The following LARP1B variants were observed in gnomAD, a reference collection of about 807,000 sequenced individuals.
The protein encoded by LARP1B is la-related protein 1B.
In LARP1B, 76 loss-of-function variants were observed where a neutral mutation model predicts 114.2. The observed-to-expected ratio is 0.67, with a 90% CI of 0.55 to 0.81. The LOEUF is 0.81. Ranked by LOEUF, LARP1B falls within the 30% of genes least tolerant of loss-of-function variation. The probability of loss-of-function intolerance (pLI) is 0.00; values close to 1 mark genes in which losing one functional copy is unlikely to be tolerated. For synonymous variants in LARP1B, 345 were observed against 348.0 expected, an observed-to-expected ratio of 0.99 and a Z score of 0.10; for missense variants, 1,014 against 1,075.8, an observed-to-expected ratio of 0.94 and a Z score of 0.80.
At chr4:128,190,104 G>T (rs1751733339) in intron 15 of LARP1B, among the ~76,000 whole-genome samples, 1 of 152,198 alleles carries the variant, frequency 6.6e-6, no homozygotes, top group South Asian at 2.1e-4. Flanking sequence ...TTTCTGAAAA[G>T]ATGGGTCTAG....
At chr4:128,177,067 A>T (rs1190751365) in intron 13 of LARP1B, among the ~76,000 whole-genome samples, 160 bp downstream of exon 13, 1 of 152,232 alleles carries the variant, frequency 6.6e-6, no homozygotes, top group Non-Finnish European at 1.5e-5. Flanking sequence ...GTCACCAAGA[A>T]CAAAGTGGAA....
chr4:128,109,235 A>G (rs1783144964), intron 9 of LARP1B, among the ~76,000 whole-genome samples: 1 of 152,204 alleles, frequency 6.6e-6, no homozygotes, highest in South Asian at 2.1e-4. Flanking sequence ...GGAAATAGAG[A>G]TAAGAAGCAT....
chr4:128,214,392 T>G (rs1027930088), downstream of LARP1B, among the ~76,000 whole-genome samples: 1 of 146,550 alleles, frequency 6.8e-6, no homozygotes, highest in Non-Finnish European at 1.5e-5. Context: ...TCTGCAGACT[T>G]AAGTGTCCCT....
chr4:128,212,917 T>A (rs1759187005), downstream of LARP1B, among the ~76,000 whole-genome samples: 3 of 142,562 alleles, frequency 2.1e-5, no homozygotes, highest in African/African-American at 7.8e-5. Flanking sequence ...TCTCTCTTTT[T>A]TTTTTTTTTT....
chr4:128,077,236 T>C (rs1768287212), intron 3 of LARP1B, among the ~76,000 whole-genome samples: 1 of 152,062 alleles, frequency 6.6e-6, no homozygotes, highest in African/African-American at 2.4e-5. Context: ...CAATGGGTCA[T>C]GCGTGTATCG....
Position 128,084,225 on chromosome 4 carries a change from G to C in LARP1B, c.358+1920G>C, listed in dbSNP as rs1156383799. Among the ~76,000 whole-genome samples, 5 of 152,144 alleles carry C rather than the reference G, an allele frequency of 3.3e-5. No individual in the cohort carries two copies. In the East Asian group the frequency reaches 7.7e-4, roughly 23 times the overall value. On this transcript the variant is annotated intron_variant, in intron 5 of 19. Coordinates refer to ENST00000326639, the MANE Select transcript of LARP1B (RefSeq NM_018078.4). ...CTCCTCACTTCCCAGACGGGGTGGC[G>C]GCCGGGCAGAGGCTGCAATCTCGGC...
chr4:128,126,726 G>T (rs1789746405), intron 11 of LARP1B, among the ~76,000 whole-genome samples: 1 of 151,636 alleles, frequency 6.6e-6, no homozygotes, highest in African/African-American at 2.4e-5. Flanking sequence ...ATTTTCTACA[G>T]TCTTTGCTAT....
At chr4:128,083,795 G>C in intron 5 of LARP1B, among the ~76,000 whole-genome samples, 1 of 150,964 alleles carries the variant, frequency 6.6e-6, no homozygotes, top group East Asian at 2.0e-4. Context: ...TGGCCGGGCG[G>C]GGGGCTGACC....
At chr4:128,173,088 A>G (rs2150575350) in intron 12 of LARP1B, among the ~76,000 whole-genome samples, 1 of 151,934 alleles carries the variant, frequency 6.6e-6, no homozygotes, top group East Asian at 1.9e-4. Flanking sequence ...TCTGTGCTTT[A>G]TTGAATACAC....
rs768396456 is a variant in LARP1B, at chr4:128,077,954, G to A, written c.209G>A (p.Arg70His). The stretch of plus-strand genomic sequence containing the variant: ...GATGAGGCTCAGTCAAGTAATCAAC[G>A]TAAGAGAGGTCAGTTTGTCCATATC... Reference protein sequence around the residue: ...SEDEAQSSNQRKRANKHKWVP... With the variant: ...SEDEAQSSNQHKRANKHKWVP... The change falls in exon 4 of 20, where the codon CGT becomes CAT. Residue 70 changes from arginine to histidine, a missense_variant. Transcript: ENST00000326639. 5.7e-6 allele frequency: 9 copies of A among 1,568,838 alleles called. No individual in the cohort carries two copies. The East Asian group carries it at 9.0e-5, about 16-fold the overall frequency.
chr4:128,222,375 C>A (rs1038748875), exon 8 of LARP1B: 1 of 456,606 alleles, frequency 2.2e-6, no homozygotes, highest in Non-Finnish European at 4.4e-6. Context: ...TACTTCTGCT[C>A]ATCATAAACA....
intron 11 of LARP1B, among the ~76,000 whole-genome samples, chr4:128,137,789 ATATTTT>A (rs1726072267): frequency 7.7e-6 from 1 of 129,938 alleles, no homozygotes; most frequent in Non-Finnish European, 1.6e-5. Flanking sequence ...ATATATATAT[ATATTTT>A]TTTTTTAGGG....
chr4:128,187,920 G>A (rs2150754768), intron 15 of LARP1B, among the ~76,000 whole-genome samples: 1 of 152,190 alleles, frequency 6.6e-6, no homozygotes, highest in South Asian at 2.1e-4. Context: ...TCTTCCTCCT[G>A]CTCCAGCTAT....
intron 1 of LARP1B, chr4:128,062,208 C>T (rs1760412732): frequency 6.1e-6 from 6 of 985,360 alleles, no homozygotes; most frequent in South Asian, 4.7e-5. Flanking sequence ...CCGCTGGAAA[C>T]CCTGGAGGCA....
chr4:128,193,712 G>A (rs1372212251), intron 15 of LARP1B, among the ~76,000 whole-genome samples: 1 of 152,048 alleles, frequency 6.6e-6, no homozygotes, highest in Non-Finnish European at 1.5e-5. Context: ...TGCCTCCTGG[G>A]TTCAAACGAT....
At chr4:128,069,020 G>C in intron 1 of LARP1B, 1 of 862,508 alleles carries the variant, frequency 1.2e-6, no homozygotes, top group Non-Finnish European at 1.8e-6. Flanking sequence ...TATATTGGCT[G>C]TAACGGTGGA....
chr4:128,191,807 A>G (rs544107974), intron 15 of LARP1B, among the ~76,000 whole-genome samples: 1 of 152,240 alleles, frequency 6.6e-6, no homozygotes, highest in African/African-American at 2.4e-5. Context: ...TGAGGCAGGA[A>G]CAGTTTTCCT....
intron 11 of LARP1B, among the ~76,000 whole-genome samples, chr4:128,149,402 A>G (rs1419620330): frequency 6.9e-6 from 1 of 145,140 alleles, no homozygotes; most frequent in Non-Finnish European, 1.5e-5. Context: ...CTAGATCAGA[A>G]TAGGGGAGGA....
intron 8 of LARP1B, among the ~76,000 whole-genome samples, chr4:128,104,944 A>C (rs917051077): frequency 2.6e-5 from 4 of 152,220 alleles, no homozygotes; most frequent in African/African-American, 9.6e-5. Flanking sequence ...TTAAAGTATC[A>C]AACCAATCAA....
Sources: allele counts gnomAD v4.1 joint callset (sites outside exome capture counted in the v4.1 genomes callset), GRCh38; gene constraint gnomAD v4.1.1; transcripts MANE v1.5; gene names NCBI Gene and HGNC (gene_info 2026-07-23, HGNC 2026-07-21).